The following AGBL4 variants were observed in gnomAD, a reference collection of about 807,000 sequenced individuals.
AGBL4 encodes cytosolic carboxypeptidase 6.
AGBL4 carries 58 observed loss-of-function variants against 66.4 expected under a neutral mutation model. The ratio of observed to expected loss-of-function variants is 0.87; its 90% confidence interval spans 0.71 to 1.09. The LOEUF (loss-of-function observed/expected upper bound fraction) is 1.09. AGBL4 is among the 50% of genes least tolerant of loss of function. AGBL4 has a pLI of 0.00. For missense variants in AGBL4, 579 were observed against 631.0 expected (o/e 0.92, Z 0.88); for synonymous variants, 234 against 222.9 (o/e 1.05, Z -0.44).
At chr1:49,521,464 T>C (rs940365634) in intron 3 of AGBL4, among the ~76,000 whole-genome samples, 4 of 151,778 alleles carry the variant, frequency 2.6e-5, no homozygotes, top group Admixed American at 2.6e-4. Flanking sequence ...CACACACCTA[T>C]AGAACAGAAT....
At chr1:49,758,717 T>C (rs566519254) in intron 2 of AGBL4, among the ~76,000 whole-genome samples, 1 of 151,434 alleles carries the variant, frequency 6.6e-6, no homozygotes, top group East Asian at 1.9e-4. Context: ...ACTAGCTTTT[T>C]TTTTTTTTAA....
chr1:49,379,211 T>C (rs1644538492), intron 3 of AGBL4, among the ~76,000 whole-genome samples: 1 of 152,176 alleles, frequency 6.6e-6, no homozygotes, highest in African/African-American at 2.4e-5. Flanking sequence ...GATGATGTCA[T>C]CCCTGATCTT....
chr1:48,833,454 C>T (rs77054371), intron 6 of AGBL4, among the ~76,000 whole-genome samples: 1 of 152,052 alleles, frequency 6.6e-6, no homozygotes, highest in Non-Finnish European at 1.5e-5. Context: ...CTCCTGGCTG[C>T]TTATAATAAA....
At chr1:49,674,475 G>C (rs986243494) in intron 3 of AGBL4, among the ~76,000 whole-genome samples, 2 of 149,918 alleles carry the variant, frequency 1.3e-5, no homozygotes, top group African/African-American at 2.4e-5. Context: ...ACTTGGCCCA[G>C]AGGAGAATAA....
At chr1:49,930,340 A>G (rs1051799850) in intron 1 of AGBL4, among the ~76,000 whole-genome samples, 5 of 152,058 alleles carry the variant, frequency 3.3e-5, no homozygotes, top group African/African-American at 9.7e-5. Flanking sequence ...CCCACATAGA[A>G]AATTCCATTC....
intron 3 of AGBL4, among the ~76,000 whole-genome samples, chr1:49,616,239 G>A (rs1159239359): frequency 6.6e-6 from 1 of 152,034 alleles, no homozygotes; most frequent in Non-Finnish European, 1.5e-5. Flanking sequence ...CTTGTGTCAA[G>A]ATCCCCAACA....
chr1:49,858,640 C>A (rs1040672493), intron 1 of AGBL4, among the ~76,000 whole-genome samples: 1 of 152,078 alleles, frequency 6.6e-6, no homozygotes, highest in Non-Finnish European at 1.5e-5. Flanking sequence ...GGACTAAAGA[C>A]CACCATCAAA....
chr1:49,068,698 C>T (rs1392586519), intron 4 of AGBL4, among the ~76,000 whole-genome samples: 3 of 152,100 alleles, frequency 2.0e-5, no homozygotes, highest in Admixed American at 6.6e-5. Context: ...CATATGTGTC[C>T]ATGTGTCTTT....
intron 1 of AGBL4, among the ~76,000 whole-genome samples, chr1:49,935,765 C>A (rs890109270): frequency 6.6e-6 from 1 of 152,208 alleles, no homozygotes; most frequent in African/African-American, 2.4e-5. Context: ...AACAGACCTG[C>A]AGCTGAGGGT....
At chr1:48,639,774 G>A (rs1381697272) in intron 8 of AGBL4, among the ~76,000 whole-genome samples, 7 of 152,188 alleles carry the variant, frequency 4.6e-5, no homozygotes. Context: ...GGTATAGCAT[G>A]TGCAAAGTTA....
intron 4 of AGBL4, among the ~76,000 whole-genome samples, chr1:49,109,243 C>G (rs1645359186): frequency 1.3e-5 from 2 of 152,156 alleles, no homozygotes; most frequent in Admixed American, 6.5e-5. Context: ...TAGCTACACC[C>G]CTTCTGCTCT....
chr1:49,759,751 C>A (rs778993374), intron 2 of AGBL4, among the ~76,000 whole-genome samples: 8 of 152,038 alleles, frequency 5.3e-5, no homozygotes, highest in African/African-American at 9.7e-5. Context: ...TGAGGTATAT[C>A]CAAACAATGG....
chr1:49,359,019 A>G (rs1248121281), intron 3 of AGBL4, among the ~76,000 whole-genome samples: 1 of 152,198 alleles, frequency 6.6e-6, no homozygotes, highest in African/African-American at 2.4e-5. Flanking sequence ...TTACTTATGT[A>G]TTAATTTCAG....
chr1:49,543,360 T>A (rs1032384948), intron 3 of AGBL4, among the ~76,000 whole-genome samples: 1 of 152,088 alleles, frequency 6.6e-6, no homozygotes, highest in Admixed American at 6.5e-5. Context: ...CCTTCTCTAT[T>A]CCTTACAACC....
chr1:49,997,789 T>C (rs1489928130), intron 1 of AGBL4, among the ~76,000 whole-genome samples: 4 of 152,110 alleles, frequency 2.6e-5, no homozygotes, highest in Admixed American at 6.5e-5. Flanking sequence ...TTATCCAAGA[T>C]AGACCATATG....
At chr1:48,735,291 G>A (rs1454978415) in intron 6 of AGBL4, among the ~76,000 whole-genome samples, 1 of 152,090 alleles carries the variant, frequency 6.6e-6, no homozygotes, top group African/African-American at 2.4e-5. Flanking sequence ...TATCTTCCCT[G>A]TGAGAATATG....
chr1:48,768,457 A>G (rs1295078713), intron 6 of AGBL4, among the ~76,000 whole-genome samples: 1 of 152,234 alleles, frequency 6.6e-6, no homozygotes, highest in Non-Finnish European at 1.5e-5. Context: ...TATTAATCTG[A>G]GGAGGATAAA....
chr1:49,836,446 T>G (rs926638383), intron 2 of AGBL4, among the ~76,000 whole-genome samples: 2 of 152,206 alleles, frequency 1.3e-5, no homozygotes, highest in Non-Finnish European at 2.9e-5. Context: ...TGTTCTTCTC[T>G]AAACTGATTA....
chr1:49,503,568 T>C (rs1648394363), intron 3 of AGBL4, among the ~76,000 whole-genome samples: 1 of 152,130 alleles, frequency 6.6e-6, no homozygotes. Flanking sequence ...GGATGGATGC[T>C]GTACCCTGCA....
Sources: gnomAD v4.1 joint callset for allele counts (sites outside exome capture counted in the v4.1 genomes callset) on GRCh38, gnomAD v4.1.1 for gene constraint, MANE v1.5 for transcripts, NCBI Gene and HGNC (gene_info 2026-07-23, HGNC 2026-07-21) for gene names.